NOTCH3: variants seen among roughly 807,000 people sequenced by gnomAD.
NOTCH3 encodes neurogenic locus notch homolog protein 3.
NOTCH3 carries 86 observed loss-of-function variants against 213.3 expected under a neutral mutation model. The observed-to-expected ratio is 0.40, with a 90% CI of 0.34 to 0.48. The LOEUF (loss-of-function observed/expected upper bound fraction) is 0.48. Among genes scored for constraint, NOTCH3 ranks in the 20% least tolerant of loss-of-function variants. The pLI, the probability that NOTCH3 is intolerant of heterozygous loss-of-function variation, is 0.57. For synonymous variants in NOTCH3, 1,354 were observed against 1,355.9 expected, an observed-to-expected ratio of 1.00 and a Z score of 0.03; for missense variants, 2,783 against 3,272.6, an observed-to-expected ratio of 0.85 and a Z score of 3.65.
chr19:15,188,063 C>A, intron 9 of NOTCH3, 69 bp from the exon 10 acceptor site: 2 of 1,290,260 alleles, frequency 1.6e-6, no homozygotes, highest in Non-Finnish European at 2.2e-6. Flanking sequence ...TCCAGCCCCG[C>A]CTTGTTTGGG....
chr19:15,197,454 G>A (rs542120843), intron 2 of NOTCH3, 46 bp downstream of exon 2: 88 of 487,648 alleles, frequency 1.8e-4, no homozygotes, highest in Middle Eastern at 8.7e-4. Context: ...CCTCCCCCCC[G>A]CCCCCACACA....
chr19:15,196,098 G>C (rs933230365), intron 2 of NOTCH3, among the ~76,000 whole-genome samples: 4 of 151,980 alleles, frequency 2.6e-5, no homozygotes, highest in Admixed American at 2.6e-4. Context: ...GAGACTCGTG[G>C]GGGGTGGAGG....
rs1599395079 is a variant in NOTCH3 at position 15,192,219 on chromosome 19, T to A, written c.420A>T (p.Gly140=). 1 of 1,608,954 alleles carries A rather than the reference T, an allele frequency of 6.2e-7. No homozygotes were observed. Among genetic ancestry groups the A allele is most frequent in the South Asian group, 1.1e-5 (1 of 90,526 alleles). Residue 140 remains glycine (G), a synonymous_variant, in exon 4 of 33, where the codon GGA becomes GGT. Coordinates refer to ENST00000263388, the MANE Select transcript of NOTCH3 (RefSeq NM_000435.3). ...HGARCSVGPD[G]RFLCSCPPGY... ...CAGGTGGGCAGGAGCAGAGGAAGCG[T>A]CCATCGGGCCCCACTGAGCAGCGGG... is the stretch of plus-strand genomic sequence containing the variant.
chr19:15,192,856 A>C (rs1185898941), intron 2 of NOTCH3, among the ~76,000 whole-genome samples: 1 of 152,184 alleles, frequency 6.6e-6, no homozygotes, highest in Non-Finnish European at 1.5e-5. Context: ...TGGAGGTTGC[A>C]GTGAGCCAAG....
intron 16 of NOTCH3, among the ~76,000 whole-genome samples, chr19:15,182,103 A>T (rs781305755): frequency 6.6e-6 from 1 of 152,256 alleles, no homozygotes; most frequent in Non-Finnish European, 1.5e-5. Flanking sequence ...GGACAAGGAC[A>T]GTGGCCATTA....
intron 25 of NOTCH3, among the ~76,000 whole-genome samples, chr19:15,173,143 C>T (rs141188221): frequency 0.065 from 7,696 of 118,132 alleles, 1,331 homozygotes; most frequent in African/African-American, 0.24. Context: ...GATCGGAGGC[C>T]GGGCATGGTG....
In NOTCH3 at chr19:15,200,923, C is replaced by T. The variant is rs962646302; in HGVS notation, c.-18G>A. On this transcript the variant is annotated 5_prime_UTR_variant, in exon 1 of 33. Transcript: ENST00000263388. The stretch of plus-strand genomic sequence containing the variant: ...GGCCCCATGGCGGCCGGCCGCGACC[C>T]TCCCCTCCTCCCTCCTTCCCTGGGC... 13 of 295,818 alleles carry T rather than the reference C, an allele frequency of 4.4e-5. No homozygotes were observed. The highest frequency in any genetic ancestry group is 2.9e-4 in the African/African-American group (13 of 44,498). 18.3% of individuals were successfully genotyped at this position (295,818 alleles called of 1,614,324 possible). A position where few individuals can be genotyped will look rare whatever the true frequency, so the allele number is the denominator to read the frequency against.
intron 25 of NOTCH3, among the ~76,000 whole-genome samples, chr19:15,171,441 C>G (rs1374476597): frequency 6.6e-6 from 1 of 152,208 alleles, no homozygotes; most frequent in Non-Finnish European, 1.5e-5. Context: ...CCTTGACCTC[C>G]CGCCTTCAAG....
chr19:15,192,335 C>A (rs2046936091), intron 3 of NOTCH3, 37 bp from the exon 4 acceptor site: 1 of 1,612,524 alleles, frequency 6.2e-7, no homozygotes, highest in Non-Finnish European at 8.5e-7. Flanking sequence ...TAGGACTGAC[C>A]ACACCCCCGA....
intron 28 of NOTCH3, among the ~76,000 whole-genome samples, chr19:15,169,208 CT>C (rs2046710358): frequency 6.8e-6 from 1 of 147,458 alleles, no homozygotes; most frequent in Non-Finnish European, 1.5e-5. Flanking sequence ...CTCTCTCTCT[CT>C]CTCTCTCTCT....
chr19:15,167,415 G>A lies in NOTCH3; in HGVS notation c.5200-4C>T, dbSNP rs375036447. 10 of 1,603,298 alleles carry A rather than the reference G, an allele frequency of 6.2e-6. No homozygotes were observed. In the South Asian group the frequency reaches 1.1e-4, roughly 18 times the overall value. ...CCCCCATGCCTGGCTCCTCTACCTG[G>A]AGGGGCAGGCACCCTGGATCTCAGA... On this transcript the variant is annotated splice_polypyrimidine_tract_variant and splice_region_variant and intron_variant, in intron 28 of 32. Transcript: ENST00000263388.
At chr19:15,180,616 G>C in intron 19 of NOTCH3, 65 bp downstream of exon 19, 3 of 1,521,404 alleles carry the variant, frequency 2.0e-6, no homozygotes, top group Non-Finnish European at 2.7e-6. Context: ...GCTCACACTA[G>C]CAGGAGGTAC....
chr19:15,183,144 C>A (rs188396975), intron 16 of NOTCH3, among the ~76,000 whole-genome samples: 39 of 152,060 alleles, frequency 2.6e-4, no homozygotes. Context: ...ATCCTAGCTA[C>A]TCAGGAGGTT....
Position 15,178,243 on chromosome 19 carries a change from C to T in NOTCH3, c.3838-153G>A, listed in dbSNP as rs186883644. 3.2e-4 allele frequency: 179 copies of T among 560,322 alleles called. 1 individual carries two copies. In the African/African-American group the frequency reaches 3.2e-3, roughly 10 times the overall value. The allele number at this position is 560,322 out of a possible 1,614,324, so 34.7% of individuals were successfully genotyped here. On this transcript the variant is annotated intron_variant, in intron 23 of 32. Transcript: ENST00000263388. ...CTAAGGAAGGTTGAGACCCCCTCAA[C>T]CTCCCCATGTCCCACCCAACCGCTC...
rs756422376 is a variant in NOTCH3 at position 15,159,289 on chromosome 19, G to C, written c.*1373C>G. The C allele has an allele frequency of 6.5e-6, 1 of 154,350 alleles. No homozygotes were observed. Among genetic ancestry groups the C allele is most frequent in the Non-Finnish European group, 1.4e-5 (1 of 69,388 alleles). The allele number at this position is 154,350 out of a possible 1,614,324, so 9.6% of individuals were successfully genotyped here. ...CATTTCTGATTCTCCCTGAATATTA[G>C]CTTCATTCTTCTGCCCTGTTTGCTT... On this transcript the variant is annotated 3_prime_UTR_variant, in exon 33 of 33. Coordinates refer to ENST00000263388, the MANE Select transcript of NOTCH3 (RefSeq NM_000435.3).
intron 20 of NOTCH3, 192 bp from the exon 21 acceptor site, chr19:15,179,688 C>T: frequency 1.6e-6 from 1 of 644,930 alleles, no homozygotes; most frequent in Admixed American, 2.4e-5. Context: ...TCGAGACCAG[C>T]CTGGCCAACA....
intron 29 of NOTCH3, among the ~76,000 whole-genome samples, chr19:15,167,011 T>A (rs1166065786): frequency 6.6e-6 from 1 of 152,212 alleles, no homozygotes; most frequent in African/African-American, 2.4e-5. Context: ...AGGGGAAAAC[T>A]GAGTCCTGGA....
At position 15,189,377 on chromosome 19, in the gene NOTCH3, T is replaced by C; in HGVS notation, c.1088A>G (p.Asp363Gly). 6.2e-7 allele frequency: 1 copy of C among 1,613,912 alleles called. No individual in the cohort carries two copies. The highest frequency in any genetic ancestry group is 8.5e-7 in the Non-Finnish European group (1 of 1,180,028). Residue 363 changes from aspartate to glycine, a missense_variant, in exon 7 of 33, where the codon GAT (aspartate) becomes GGT (glycine). Asp to Gly is a moderately conservative substitution (Grantham distance 94). Transcript: ENST00000263388. ...CACCGGATTTGTGTCACAGATAGCA[T>C]CCTCGTGGCAGGGGTTGCTGACACA... ...DACVSNPCHE[D>G]AICDTNPVNG...
In NOTCH3 at chr19:15,181,187, G is replaced by A. The variant is rs1480025845; in HGVS notation, c.2793-25C>T. 1.0e-5 allele frequency: 16 copies of A among 1,598,650 alleles called. No individual in the cohort carries two copies. The East Asian group carries it at 3.1e-4, about 31-fold the overall frequency. On this transcript the variant is annotated intron_variant, in intron 17 of 32. Coordinates refer to ENST00000263388, the MANE Select transcript of NOTCH3 (RefSeq NM_000435.3). ...GCTGGAGCGGAAGGAGTGGGAGGGA[G>A]GATCAGGCTCCGCCCCCTCACAGGC...
Sources: allele counts gnomAD v4.1 joint callset (sites outside exome capture counted in the v4.1 genomes callset), GRCh38; gene constraint gnomAD v4.1.1; transcripts MANE v1.5; gene names NCBI Gene and HGNC (gene_info 2026-07-23, HGNC 2026-07-21).